The following PPP1R9A variants were observed in gnomAD, a reference collection of about 807,000 sequenced individuals.
The protein encoded by PPP1R9A is neurabin-1.
A neutral mutation model predicts 141.9 loss-of-function variants in PPP1R9A; 59 were observed. The ratio of observed to expected loss-of-function variants is 0.42; its 90% CI spans 0.34 to 0.52. The LOEUF is 0.52. Ranked by LOEUF, PPP1R9A falls within the 20% of genes least tolerant of loss-of-function variation. The probability of loss-of-function intolerance (pLI) is 0.10; values close to 1 mark genes in which losing one functional copy is unlikely to be tolerated. For missense variants in PPP1R9A, 1,444 were observed against 1,611.9 expected (o/e 0.90, Z 1.78); for synonymous variants, 500 against 569.7 (o/e 0.88, Z 1.74).
chr7:95,192,885 A>T (rs1331251112), intron 5 of PPP1R9A, among the ~76,000 whole-genome samples: 1 of 152,132 alleles, frequency 6.6e-6, no homozygotes, highest in South Asian at 2.1e-4. Flanking sequence ...CTTACAGGAC[A>T]TATTTATAAA....
Position 94,910,882 on chromosome 7 carries a change from T to A in PPP1R9A, c.769T>A (p.Ser257Thr), listed in dbSNP as rs776261109. The change falls in exon 2 of 20, where the codon TCC becomes ACC. Residue 257 changes from serine to threonine, a missense_variant. Ser to Thr is a moderately conservative substitution (Grantham distance 58, BLOSUM62 1). This residue lies in a region of PPP1R9A where 490 missense variants were observed against 521.1 expected (regional missense o/e 0.94). Coordinates refer to ENST00000433360, the MANE Select transcript of PPP1R9A (RefSeq NM_001166160.2). This position sits in a 1 kb window ranked among gnomAD's most constrained non-coding sequence, Gnocchi z 4.5. Reference sequence around the variant, plus strand: ...ATTTGGTCACCTGAAGGATTCTAATTCCTGGCCTCCTTCAAACAAGCGAGG... The same window carrying A: ...ATTTGGTCACCTGAAGGATTCTAATACCTGGCCTCCTTCAAACAAGCGAGG... ...DTFGHLKDSN[S>T]WPPSNKRGVD... is the part of the protein sequence containing the mutation. 3.1e-6 allele frequency: 5 copies of A among 1,614,010 alleles called. No individual in the cohort carries two copies. The South Asian group carries it at 5.5e-5, about 18-fold the overall frequency.
At chr7:94,994,121 A>AT (rs796347941) in intron 2 of PPP1R9A, among the ~76,000 whole-genome samples, 19 of 150,792 alleles carry the variant, frequency 1.3e-4, no homozygotes, top group Admixed American at 3.3e-4. Context: ...AAAACTGTGT[A>AT]TTTTTTTTTT....
chr7:95,025,638 G>A (rs1806716262), intron 2 of PPP1R9A, among the ~76,000 whole-genome samples: 1 of 152,104 alleles, frequency 6.6e-6, no homozygotes, highest in Non-Finnish European at 1.5e-5. Flanking sequence ...GGTTGGGCAA[G>A]TTCTCCTGGA....
At chr7:95,036,811 C>T (rs749034256) in intron 2 of PPP1R9A, 1 of 152,178 alleles carries the variant, frequency 6.6e-6, no homozygotes, top group South Asian at 2.1e-4. Context: ...TTATTGACCT[C>T]TCCAGTGATC....
intron 2 of PPP1R9A, among the ~76,000 whole-genome samples, chr7:95,023,627 C>T (rs567690228): frequency 6.6e-6 from 1 of 152,082 alleles, no homozygotes; most frequent in Non-Finnish European, 1.5e-5. Context: ...GATCTTGGCT[C>T]ACTGCAAGCT....
intron 7 of PPP1R9A, among the ~76,000 whole-genome samples, chr7:95,214,828 C>T (rs1792951218): frequency 6.6e-6 from 1 of 151,994 alleles, no homozygotes; most frequent in East Asian, 1.9e-4. Flanking sequence ...AATTTTTCAG[C>T]AATATTACCA....
chr7:95,285,434 A>G (rs1805106116), intron 17 of PPP1R9A, among the ~76,000 whole-genome samples: 1 of 152,096 alleles, frequency 6.6e-6, no homozygotes, highest in Admixed American at 6.6e-5. Context: ...CACTGTAGAG[A>G]CTCCAGATTT....
At position 95,158,625 on chromosome 7, in the gene PPP1R9A, A is replaced by G. The variant is rs1585003106; in HGVS notation, c.1650-3242A>G. 2.6e-5 allele frequency among the ~76,000 whole-genome samples: 4 copies of G among 152,216 alleles called. No homozygotes were observed. In the East Asian group the frequency reaches 7.7e-4, roughly 29 times the overall value. Reference sequence around the variant, plus strand: ...TTAGAAAATTATTTTCCTCTAAACCACCATGTTTCAAAGATATATAAAAAG... The same window carrying G: ...TTAGAAAATTATTTTCCTCTAAACCGCCATGTTTCAAAGATATATAAAAAG... On this transcript the variant is annotated intron_variant, in intron 4 of 19. Coordinates refer to ENST00000433360, the MANE Select transcript of PPP1R9A (RefSeq NM_001166160.2).
chr7:95,177,507 C>T (rs781645788), intron 5 of PPP1R9A, among the ~76,000 whole-genome samples: 9 of 151,954 alleles, frequency 5.9e-5, no homozygotes, highest in Non-Finnish European at 8.8e-5. Flanking sequence ...AATAGCATGA[C>T]GTATGGAATG....
intron 4 of PPP1R9A, among the ~76,000 whole-genome samples, chr7:95,132,628 C>T (rs1824862920): frequency 6.6e-6 from 1 of 152,104 alleles, no homozygotes; most frequent in Admixed American, 6.5e-5. Context: ...GGTGCCGCTT[C>T]GCCAGCTGGA....
At chr7:94,925,258 G>C (rs1454482116) in intron 2 of PPP1R9A, among the ~76,000 whole-genome samples, 1 of 152,040 alleles carries the variant, frequency 6.6e-6, no homozygotes, top group Non-Finnish European at 1.5e-5. Context: ...GCCTTCAACT[G>C]TTTCAATGAG....
chr7:95,023,224 G>C (rs1188825427), intron 2 of PPP1R9A, among the ~76,000 whole-genome samples: 2 of 152,148 alleles, frequency 1.3e-5, no homozygotes, highest in Non-Finnish European at 2.9e-5. Context: ...TATGTGTCGA[G>C]AAATTTATTC....
At chr7:95,049,606 A>G (rs562987368) in intron 2 of PPP1R9A, among the ~76,000 whole-genome samples, 7 of 152,154 alleles carry the variant, frequency 4.6e-5, no homozygotes, top group Admixed American at 1.3e-4. Flanking sequence ...GGGTTTTGAT[A>G]TATGTATAAT....
chr7:94,975,135 T>C (rs1799284036), intron 2 of PPP1R9A, among the ~76,000 whole-genome samples: 1 of 152,168 alleles, frequency 6.6e-6, no homozygotes, highest in Non-Finnish European at 1.5e-5. Context: ...AGAAGAATCT[T>C]AGTATATAAC....
intron 2 of PPP1R9A, among the ~76,000 whole-genome samples, chr7:95,098,557 A>G (rs566660145): frequency 6.6e-6 from 1 of 151,872 alleles, no homozygotes; most frequent in Admixed American, 6.6e-5. Context: ...TCACCCACTT[A>G]TTTGGCCTCA....
chr7:95,113,968 T>A (rs1385900660), intron 3 of PPP1R9A, among the ~76,000 whole-genome samples: 1 of 152,236 alleles, frequency 6.6e-6, no homozygotes, highest in Non-Finnish European at 1.5e-5. Context: ...CACTTTCATT[T>A]GGAGTTAAAG....
At chr7:95,193,242 A>G (rs1270800928) in intron 5 of PPP1R9A, among the ~76,000 whole-genome samples, 1 of 145,256 alleles carries the variant, frequency 6.9e-6, no homozygotes, top group Non-Finnish European at 1.5e-5. Flanking sequence ...TGGGTGCTAT[A>G]ACACTGCTCA....
Position 95,068,207 on chromosome 7 carries a change from C to T in PPP1R9A, c.1396-43052C>T, listed in dbSNP as rs923809960. ...ACATTCGGCCAGGCGTGGTGGCTCACGCCTGTAATCCCAGCACTTTGGGAG... is the reference window on the plus strand; with the variant it reads ...ACATTCGGCCAGGCGTGGTGGCTCATGCCTGTAATCCCAGCACTTTGGGAG... On this transcript the variant is annotated intron_variant, in intron 2 of 19. Coordinates refer to ENST00000433360, the MANE Select transcript of PPP1R9A (RefSeq NM_001166160.2). Among the ~76,000 whole-genome samples, 5 of 152,144 alleles carry T rather than the reference C, an allele frequency of 3.3e-5. No homozygotes were observed. The East Asian group carries it at 5.8e-4, about 18-fold the overall frequency.
chr7:95,094,156 A>T (rs1226915415), intron 2 of PPP1R9A, among the ~76,000 whole-genome samples: 1 of 152,180 alleles, frequency 6.6e-6, no homozygotes, highest in East Asian at 1.9e-4. Flanking sequence ...GGATGATAGG[A>T]TGAGTGAAAG....
Sources: allele counts gnomAD v4.1 joint callset (sites outside exome capture counted in the v4.1 genomes callset), GRCh38; gene constraint gnomAD v4.1.1; regional missense constraint gnomAD v4.1.1; non-coding constraint Gnocchi (gnomAD v3.1); transcripts MANE v1.5; gene names NCBI Gene and HGNC (gene_info 2026-07-23, HGNC 2026-07-21).